Variants in ITGA11 observed in about 807,000 individuals in gnomAD.
ITGA11 encodes integrin subunit alpha 11.
Under a neutral mutation model 141.9 loss-of-function variants are expected in ITGA11, and 97 were observed. The observed-to-expected ratio is 0.68, with a 90% confidence interval of 0.58 to 0.81. The LOEUF (loss-of-function observed/expected upper bound fraction) is 0.81, where lower values mean the gene tolerates loss of function less well. Ranked by LOEUF, ITGA11 falls within the 30% of genes least tolerant of loss-of-function variation. The pLI, the probability that ITGA11 is intolerant of heterozygous loss-of-function variation, is 0.00. For synonymous variants in ITGA11, 658 were observed against 624.6 expected, an observed-to-expected ratio of 1.05 and a Z score of -0.80; for missense variants, 1,387 against 1,559.2, an observed-to-expected ratio of 0.89 and a Z score of 1.86.
intron 10 of ITGA11, among the ~76,000 whole-genome samples, chr15:68,342,364 G>A (rs761483843): frequency 2.0e-5 from 3 of 152,196 alleles, no homozygotes; most frequent in Admixed American, 6.5e-5. Context: ...GGCCTTGCAC[G>A]AGGGGACCTT....
At position 68,307,478 on chromosome 15, in the gene ITGA11, G is replaced by A; in HGVS notation, c.3286-35C>T. ...CAGAGGGCTCGTCAGAAGCTGGCTT[G>A]GAAGCTTTTCTTCCCGTCCCCTCCC... is the stretch of plus-strand genomic sequence containing the variant. On this transcript the variant is annotated intron_variant, in intron 27 of 29. Coordinates refer to ENST00000315757, the MANE Select transcript of ITGA11 (RefSeq NM_001004439.2). This position sits in a 1 kb window ranked among gnomAD's most constrained non-coding sequence, Gnocchi z 6.1. The A allele has an allele frequency of 1.3e-6, 2 of 1,541,494 alleles. No homozygotes were observed. The highest frequency in any genetic ancestry group is 3.9e-5 in the Admixed American group (2 of 51,220).
At chr15:68,334,839 C>T (rs1894293984) in intron 12 of ITGA11, among the ~76,000 whole-genome samples, 5 of 152,156 alleles carry the variant, frequency 3.3e-5, no homozygotes, top group Non-Finnish European at 7.3e-5. Context: ...GCCCTCGATT[C>T]CCAAAAGAGC....
intron 1 of ITGA11, among the ~76,000 whole-genome samples, chr15:68,422,326 C>T (rs1230721069): frequency 6.6e-6 from 1 of 152,146 alleles, no homozygotes; most frequent in African/African-American, 2.4e-5. Context: ...ACCTCTCATC[C>T]TCTCATGCCT....
chr15:68,407,126 G>C (rs1349363001), intron 1 of ITGA11, among the ~76,000 whole-genome samples: 1 of 152,146 alleles, frequency 6.6e-6, no homozygotes, highest in Non-Finnish European at 1.5e-5. Context: ...CATTGCCTCT[G>C]CCTTTGGGTT....
chr15:68,426,762 C>T (rs914275105), intron 1 of ITGA11, among the ~76,000 whole-genome samples: 2 of 152,072 alleles, frequency 1.3e-5, no homozygotes, highest in African/African-American at 4.8e-5. Flanking sequence ...CCCTTCTAAT[C>T]CCAGCACTTT....
intron 26 of ITGA11, 21 bp downstream of exon 26, chr15:68,310,973 C>T (rs372699459): frequency 7.0e-6 from 11 of 1,578,626 alleles, no homozygotes; most frequent in Non-Finnish European, 8.6e-6. Flanking sequence ...CACTGTGGCT[C>T]TCGGTCTGGG....
chr15:68,374,570 G>T (rs980956270), intron 2 of ITGA11, among the ~76,000 whole-genome samples: 2 of 152,240 alleles, frequency 1.3e-5, no homozygotes, highest in African/African-American at 4.8e-5. Context: ...AGAGGCAAGG[G>T]CTGGGGCTCT....
intron 2 of ITGA11, among the ~76,000 whole-genome samples, chr15:68,381,711 A>T (rs749380232): frequency 2.0e-5 from 3 of 152,172 alleles, no homozygotes; most frequent in East Asian, 1.9e-4. Context: ...GCTCACTGCC[A>T]TGCCCAACTA....
At chr15:68,336,143 C>A (rs999043846) in intron 11 of ITGA11, 13 of 453,126 alleles carry the variant, frequency 2.9e-5, no homozygotes, top group Non-Finnish European at 4.4e-5. Flanking sequence ...GAAATGCACA[C>A]ATCCCTCCTT....
At chr15:68,362,228 C>T (rs1895266608) in intron 4 of ITGA11, among the ~76,000 whole-genome samples, 1 of 152,180 alleles carries the variant, frequency 6.6e-6, no homozygotes. Flanking sequence ...CTACCAAAAA[C>T]ACTGATGTCA....
At chr15:68,399,393 G>A (rs193129832) in intron 2 of ITGA11, among the ~76,000 whole-genome samples, 73 of 152,130 alleles carry the variant, frequency 4.8e-4, no homozygotes, top group Admixed American at 4.3e-3. Context: ...TTAGTTCAGA[G>A]TTTGGAGATT....
At chr15:68,346,431 A>G (rs1301782589) in intron 10 of ITGA11, among the ~76,000 whole-genome samples, 1 of 152,206 alleles carries the variant, frequency 6.6e-6, no homozygotes, top group Non-Finnish European at 1.5e-5. Context: ...AGGCAGACAC[A>G]GATCATGATT....
intron 1 of ITGA11, among the ~76,000 whole-genome samples, chr15:68,418,452 ACATGGCCCT>A (rs2140433272): frequency 6.6e-6 from 1 of 152,308 alleles, no homozygotes; most frequent in South Asian, 2.1e-4. Flanking sequence ...TTCTTACTTC[ACATGGCCCT>A]CAGTTGCCTT....
At position 68,357,311 on chromosome 15, in the gene ITGA11, A is replaced by G; in HGVS notation, c.601-12T>C. Reference sequence around the variant, plus strand: ...TGCACAACTCCAACCTGCAAGGGAGAGGAGAGGGCAACAGAACATTTTGAC... The same window carrying G: ...TGCACAACTCCAACCTGCAAGGGAGGGGAGAGGGCAACAGAACATTTTGAC... On this transcript the variant is annotated splice_polypyrimidine_tract_variant and intron_variant, in intron 6 of 29. Coordinates refer to ENST00000315757, the MANE Select transcript of ITGA11 (RefSeq NM_001004439.2). 6.2e-7 allele frequency: 1 copy of G among 1,607,258 alleles called. No homozygotes were observed. The highest frequency in any genetic ancestry group is 1.1e-5 in the South Asian group (1 of 89,460).
intron 2 of ITGA11, among the ~76,000 whole-genome samples, chr15:68,372,079 G>A (rs958936177): frequency 7.2e-5 from 11 of 152,128 alleles, no homozygotes; most frequent in African/African-American, 2.7e-4. Context: ...GGTTTGCTGC[G>A]GGGCTGGGAC....
chr15:68,408,789 CCTGCCATCCTGCCAGGCTCCTTGA>C (rs538725991), intron 1 of ITGA11, among the ~76,000 whole-genome samples: 1 of 152,260 alleles, frequency 6.6e-6, no homozygotes, highest in Admixed American at 6.5e-5. Context: ...CCTGGCTCCT[CCTGCCATCCTGCCAGGCTCCTTGA>C]GAGTCAGGCC....
rs1176873405 is a variant in ITGA11, at chr15:68,400,740, T to A, written c.164+2178A>T. 8.5e-5 allele frequency among the ~76,000 whole-genome samples: 2 copies of A among 23,476 alleles called. 1 individual carries two copies. Among genetic ancestry groups the A allele is most frequent in the Non-Finnish European group, 1.2e-4 (2 of 16,182 alleles). The allele number at this position is 23,476 out of a possible 152,430, so 15.4% of individuals were successfully genotyped here. A position where few individuals can be genotyped will look rare whatever the true frequency, so the allele number is the denominator to read the frequency against. On this transcript the variant is annotated intron_variant, in intron 2 of 29. Transcript: ENST00000315757. ...TATATTATATAATAAATATTATATA[T>A]TATATAATAAATATTATAATATTAT...
Position 68,305,012 on chromosome 15 carries a change from T to C in ITGA11, c.3382-1127A>G, listed in dbSNP as rs8035431. On this transcript the variant is annotated intron_variant, in intron 28 of 29. Transcript: ENST00000315757. The surrounding 1 kb of genome is among the most constrained non-coding windows in gnomAD (Gnocchi z 4.6). ...GATCCTTCTAACGAGGAAGGCAGGCTTATGCTCTGCTCTGCTCTGCTCAAG... is the reference window on the plus strand; with the variant it reads ...GATCCTTCTAACGAGGAAGGCAGGCCTATGCTCTGCTCTGCTCTGCTCAAG... Among the ~76,000 whole-genome samples the C allele has an allele frequency of 0.33, 50,335 of 152,154 alleles. 8,898 individuals carry two copies. Among genetic ancestry groups the C allele is most frequent in the African/African-American group, 0.4 (16,736 of 41,480 alleles).
chr15:68,407,345 G>C (rs371027253), intron 1 of ITGA11, among the ~76,000 whole-genome samples: 1 of 152,216 alleles, frequency 6.6e-6, no homozygotes, highest in African/African-American at 2.4e-5. Flanking sequence ...CGTCTCCAGA[G>C]ACCAGTTGGC....
Sources: allele counts gnomAD v4.1 joint callset (sites outside exome capture counted in the v4.1 genomes callset), GRCh38; gene constraint gnomAD v4.1.1; non-coding constraint Gnocchi (gnomAD v3.1); transcripts MANE v1.5; gene names NCBI Gene and HGNC (gene_info 2026-07-23, HGNC 2026-07-21).